The following SLC35F4 variants were observed in gnomAD, a reference collection of about 807,000 sequenced individuals.
The protein encoded by SLC35F4 is chromosome 14 open reading frame 36.
A neutral mutation model predicts 44.2 loss-of-function variants in SLC35F4; 24 were observed. That is an observed-to-expected ratio of 0.54 (90% CI 0.39 to 0.76). SLC35F4 has a LOEUF of 0.76. Ranked by LOEUF, SLC35F4 falls within the 30% of genes least tolerant of loss-of-function variation. The probability of loss-of-function intolerance (pLI) is 0.00; values close to 1 mark genes in which losing one functional copy is unlikely to be tolerated. For missense variants in SLC35F4, 562 were observed against 586.1 expected (o/e 0.96, Z 0.42); for synonymous variants, 238 against 223.6 (o/e 1.06, Z -0.57).
chr14:57,689,254 G>T (rs62005177), intron 1 of SLC35F4, among the ~76,000 whole-genome samples: 38,004 of 151,824 alleles, frequency 0.25, 4,788 homozygotes, highest in South Asian at 0.31. Flanking sequence ...CCCTCAACTC[G>T]TCTCTGTCTT....
intron 1 of SLC35F4, among the ~76,000 whole-genome samples, chr14:57,921,443 T>G (rs1889441976): frequency 6.6e-6 from 1 of 152,192 alleles, no homozygotes; most frequent in African/African-American, 2.4e-5. Context: ...AACCTTGGCT[T>G]TTTCATCTCT....
rs934116399 is a variant in SLC35F4 at position 57,882,236 on chromosome 14, C to T, written n.282+99677G>A. On this transcript the variant is annotated intron_variant and non_coding_transcript_variant, in intron 1 of 1. Coordinates refer to the SLC35F4 transcript ENST00000556568. Reference sequence around the variant, plus strand: ...CCTGAGTCCCTTCCATTCCTAATTACACTGTGCCCCTACTTTGGTGTATTT... The same window carrying T: ...CCTGAGTCCCTTCCATTCCTAATTATACTGTGCCCCTACTTTGGTGTATTT... 5.3e-5 allele frequency among the ~76,000 whole-genome samples: 8 copies of T among 152,302 alleles called. No individual in the cohort carries two copies. The East Asian group carries it at 1.5e-3, about 29-fold the overall frequency.
intron 1 of SLC35F4, among the ~76,000 whole-genome samples, chr14:57,968,445 G>A (rs867771678): frequency 6.6e-6 from 1 of 152,108 alleles, no homozygotes; most frequent in Admixed American, 6.5e-5. Context: ...CAGTTTATTT[G>A]GACATTGACC....
chr14:57,798,187 C>G (rs1224084221), intron 1 of SLC35F4, among the ~76,000 whole-genome samples: 1 of 144,828 alleles, frequency 6.9e-6, no homozygotes, highest in Non-Finnish European at 1.5e-5. Flanking sequence ...CATTACAAAC[C>G]ATTATTACAA....
chr14:57,621,214 A>T (rs940232188), intron 1 of SLC35F4, among the ~76,000 whole-genome samples: 36 of 150,432 alleles, frequency 2.4e-4, no homozygotes, highest in Non-Finnish European at 4.7e-4. Context: ...GGTAGGAAGA[A>T]TCAATATCGT....
At chr14:57,624,878 C>T (rs1470412162) in intron 1 of SLC35F4, among the ~76,000 whole-genome samples, 2 of 152,096 alleles carry the variant, frequency 1.3e-5, no homozygotes, top group Non-Finnish European at 2.9e-5. Context: ...GGAAGCATTC[C>T]CTTTGAAAAC....
At chr14:57,614,250 G>C (rs2140062664) in intron 1 of SLC35F4, among the ~76,000 whole-genome samples, 1 of 152,318 alleles carries the variant, frequency 6.6e-6, no homozygotes, top group East Asian at 1.9e-4. Context: ...TATTTTGAGA[G>C]TTAGTGATTG....
chr14:57,623,881 A>G (rs901961991), intron 1 of SLC35F4, among the ~76,000 whole-genome samples: 2 of 152,198 alleles, frequency 1.3e-5, no homozygotes, highest in Admixed American at 1.3e-4. Flanking sequence ...TAACATCACA[A>G]TTAAAAGAAC....
intron 1 of SLC35F4, among the ~76,000 whole-genome samples, chr14:57,685,148 G>A (rs547380430): frequency 6.0e-4 from 91 of 152,242 alleles, no homozygotes; most frequent in African/African-American, 2.1e-3. Context: ...GGAGAAGTGG[G>A]TTATATCTTT....
chr14:57,951,669 G>A (rs539472435), intron 1 of SLC35F4, among the ~76,000 whole-genome samples: 86 of 152,320 alleles, frequency 5.6e-4, no homozygotes, highest in Non-Finnish European at 9.1e-4. Flanking sequence ...AAGCCTCAGG[G>A]AAGTTCAGAC....
intron 1 of SLC35F4, among the ~76,000 whole-genome samples, chr14:57,826,117 T>C (rs1013640518): frequency 6.6e-6 from 1 of 152,128 alleles, no homozygotes; most frequent in African/African-American, 2.4e-5. Flanking sequence ...TAAACTATAC[T>C]ACAATGCTAC....
At chr14:57,766,302 C>T (rs930228795) in intron 1 of SLC35F4, among the ~76,000 whole-genome samples, 3 of 152,214 alleles carry the variant, frequency 2.0e-5, no homozygotes, top group Non-Finnish European at 2.9e-5. Flanking sequence ...ACTTCCTTCT[C>T]ATGGTCCTGA....
At chr14:57,955,786 A>G (rs1890226630) in intron 1 of SLC35F4, among the ~76,000 whole-genome samples, 1 of 152,248 alleles carries the variant, frequency 6.6e-6, no homozygotes, top group Non-Finnish European at 1.5e-5. Context: ...CAATGAAATA[A>G]GAGAGGACAC....
chr14:57,817,221 A>G (rs1048691146), intron 1 of SLC35F4, among the ~76,000 whole-genome samples: 2 of 152,214 alleles, frequency 1.3e-5, no homozygotes, highest in African/African-American at 4.8e-5. Context: ...AACTGCAACC[A>G]TAGAGCTACA....
chr14:57,926,760 C>T (rs1195644721), intron 1 of SLC35F4, among the ~76,000 whole-genome samples: 2 of 150,060 alleles, frequency 1.3e-5, no homozygotes, highest in African/African-American at 2.4e-5. Context: ...GCCAAAGGCA[C>T]AGTGATGCCT....
intron 1 of SLC35F4, among the ~76,000 whole-genome samples, chr14:57,767,204 A>AG (rs1308286954): frequency 6.6e-6 from 1 of 152,230 alleles, no homozygotes; most frequent in Admixed American, 6.5e-5. Flanking sequence ...GCAAGGACAT[A>AG]GAGGATCTGA....
intron 1 of SLC35F4, among the ~76,000 whole-genome samples, chr14:57,668,231 C>A: frequency 6.6e-6 from 1 of 151,008 alleles, no homozygotes; most frequent in African/African-American, 2.4e-5. Flanking sequence ...TGGATATTAG[C>A]CCTTTGTCAG....
chr14:57,684,865 CA>C lies in SLC35F4; in HGVS notation c.104-90742del, dbSNP rs201050701. Among the ~76,000 whole-genome samples, 1,000 of 152,220 alleles carry C rather than the reference CA, an allele frequency of 6.6e-3. 7 individuals are homozygous for C. The highest frequency in any genetic ancestry group is 0.022 in the African/African-American group (933 of 41,526). ...TTGTCCTCTCTCTCAGGAGTTTCCC[CA>C]GAGGGATAGCGTTGGTAGGTAGATT... On this transcript the variant is annotated intron_variant, in intron 1 of 7. Transcript: ENST00000556826.
intron 1 of SLC35F4, chr14:57,630,682 G>A (rs1047145696): frequency 9.8e-6 from 6 of 610,222 alleles, no homozygotes; most frequent in Admixed American, 7.1e-5. Context: ...ATGCTCAGTG[G>A]CCATTGACAG....
Sources: gnomAD v4.1 joint callset for allele counts (sites outside exome capture counted in the v4.1 genomes callset) on GRCh38, gnomAD v4.1.1 for gene constraint, MANE v1.5 for transcripts, NCBI Gene and HGNC (gene_info 2026-07-23, HGNC 2026-07-21) for gene names.